The following MYO6 variants were observed in gnomAD, a reference collection of about 807,000 sequenced individuals.
MYO6 encodes the protein myosin VI, also known as unconventional myosin-VI.
In MYO6, 74 loss-of-function variants were observed where a neutral mutation model predicts 178.7. The observed-to-expected ratio is 0.41, with a 90% CI of 0.34 to 0.50. The LOEUF is 0.50. MYO6 is among the 20% of genes least tolerant of loss of function. MYO6 has a pLI of 0.09. For synonymous variants in MYO6, 477 were observed against 504.6 expected (o/e 0.95, Z 0.73); for missense variants, 1,330 against 1,547.4 (o/e 0.86, Z 2.36).
rs1245232368 is a variant in MYO6, at chr6:75,828,545, C to G, written c.193C>G (p.Leu65Val). Residue 65 changes from leucine to valine, a missense_variant, in exon 4 of 35, where the codon CTA (leucine) becomes GTA (valine). Coordinates refer to ENST00000369977, the MANE Select transcript of MYO6 (RefSeq NM_004999.4). ...SKKDVEDNCSLMYLNEATLLH... is the reference protein window; with the variant it reads ...SKKDVEDNCSVMYLNEATLLH... The stretch of plus-strand genomic sequence containing the variant: ...ATATAAATTTTATGTCTTAGGTTCA[C>G]TAATGTATTTAAATGAAGCCACACT... The G allele has an allele frequency of 6.5e-7, 1 of 1,546,916 alleles. No homozygotes were observed. The highest frequency in any genetic ancestry group is 1.7e-5 in the Admixed American group (1 of 59,842).
chr6:75,864,691 T>C (rs779816580), intron 16 of MYO6, among the ~76,000 whole-genome samples: 2 of 152,154 alleles, frequency 1.3e-5, no homozygotes, highest in African/African-American at 2.4e-5. Flanking sequence ...GACAGTAAAC[T>C]GAAGCATCAA....
intron 30 of MYO6, among the ~76,000 whole-genome samples, chr6:75,903,583 G>T (rs530903755): frequency 3.9e-5 from 6 of 152,156 alleles, no homozygotes; most frequent in African/African-American, 1.2e-4. Context: ...TTGCTTCATA[G>T]ATCTTCCTCC....
At chr6:75,749,484 G>T (rs1218681794) in intron 1 of MYO6, 61 bp downstream of exon 1, 1 of 152,208 alleles carries the variant, frequency 6.6e-6, no homozygotes, top group African/African-American at 2.4e-5. Context: ...TCCCTGGCCC[G>T]GCCTTGCTCC....
chr6:75,852,275 A>C (rs984750106), intron 11 of MYO6, among the ~76,000 whole-genome samples: 1 of 152,346 alleles, frequency 6.6e-6, no homozygotes, highest in Admixed American at 6.5e-5. Flanking sequence ...ACGAGTAATA[A>C]GCACATTTTC....
rs541380078 is a variant in MYO6, at chr6:75,875,622, T to C, written c.2077+2322T>C. Among the ~76,000 whole-genome samples, 187 of 152,294 alleles carry C rather than the reference T, an allele frequency of 1.2e-3. 2 individuals are homozygous for C. Among genetic ancestry groups the C allele is most frequent in the African/African-American group, 4.4e-3 (184 of 41,554 alleles). ...TTTTTAAAAATTTAAATTTAAGTAG[T>C]CTTATGTGGCTAGTCCCGCTGTAGA... On this transcript the variant is annotated intron_variant, in intron 20 of 34. Transcript: ENST00000369977.
intron 4 of MYO6, among the ~76,000 whole-genome samples, chr6:75,830,089 G>A (rs1772922786): frequency 1.3e-5 from 2 of 152,196 alleles, no homozygotes; most frequent in Admixed American, 1.3e-4. Flanking sequence ...TGGTGACTTG[G>A]TGGTGATGCC....
At chr6:75,779,770 T>G (rs903027765) in intron 1 of MYO6, among the ~76,000 whole-genome samples, 19 of 152,318 alleles carry the variant, frequency 1.2e-4, no homozygotes, top group African/African-American at 4.1e-4. Flanking sequence ...ATCTCTCATT[T>G]CTCCCTTGCC....
At chr6:75,869,697 C>T (rs1396876999) in intron 18 of MYO6, among the ~76,000 whole-genome samples, 1 of 152,026 alleles carries the variant, frequency 6.6e-6, no homozygotes, top group Admixed American at 6.5e-5. Flanking sequence ...TACACTGAAC[C>T]ACACCACATC....
chr6:75,784,617 CAAA>C (rs1262691473), intron 1 of MYO6, among the ~76,000 whole-genome samples: 1 of 151,456 alleles, frequency 6.6e-6, no homozygotes, highest in Admixed American at 6.6e-5. Flanking sequence ...ACTAAAAATA[CAAA>C]AACAAAATTA....
At chr6:75,759,208 C>T (rs1158415720) in intron 1 of MYO6, among the ~76,000 whole-genome samples, 2 of 152,120 alleles carry the variant, frequency 1.3e-5, no homozygotes, top group East Asian at 3.8e-4. Flanking sequence ...ATCTTAAAAA[C>T]TTTCAAAAAC....
At chr6:75,773,653 T>G (rs1017711355) in intron 1 of MYO6, among the ~76,000 whole-genome samples, 10 of 152,152 alleles carry the variant, frequency 6.6e-5, no homozygotes, top group African/African-American at 2.4e-4. Context: ...AGTAGGGAGA[T>G]GGACATTAAA....
chr6:75,894,137 A>G, intron 28 of MYO6, among the ~76,000 whole-genome samples: 1 of 152,174 alleles, frequency 6.6e-6, no homozygotes, highest in East Asian at 1.9e-4. Flanking sequence ...CAAGCTTTAT[A>G]TTTATGCACT....
chr6:75,774,779 A>AATTATT (rs906955292), intron 1 of MYO6, among the ~76,000 whole-genome samples: 1 of 151,578 alleles, frequency 6.6e-6, no homozygotes, highest in Non-Finnish European at 1.5e-5. Flanking sequence ...TTTATTGAGA[A>AATTATT]ATTATTATTA....
chr6:75,776,877 G>A (rs748844427), intron 1 of MYO6, among the ~76,000 whole-genome samples: 1 of 152,006 alleles, frequency 6.6e-6, no homozygotes, highest in Non-Finnish European at 1.5e-5. Flanking sequence ...TCCATAAAAT[G>A]TTTTACAATT....
At chr6:75,908,888 G>C (rs780152292) in intron 32 of MYO6, among the ~76,000 whole-genome samples, 8 of 152,020 alleles carry the variant, frequency 5.3e-5, no homozygotes, top group Non-Finnish European at 1.0e-4. Context: ...GGGTGTGCAT[G>C]CATAATTTTC....
intron 13 of MYO6, among the ~76,000 whole-genome samples, chr6:75,858,443 T>A (rs1775910361): frequency 6.6e-6 from 1 of 152,112 alleles, no homozygotes; most frequent in South Asian, 2.1e-4. Flanking sequence ...CTGTCTCTAC[T>A]AAAAATACAA....
intron 20 of MYO6, among the ~76,000 whole-genome samples, chr6:75,876,402 G>A (rs1473168861): frequency 6.6e-6 from 1 of 152,186 alleles, no homozygotes; most frequent in East Asian, 1.9e-4. Context: ...GGAATGAACA[G>A]TGTAGAAAAT....
rs1326233609 is a variant in MYO6 at position 75,895,206 on chromosome 6, TAACTA to T, written c.3108-22_3108-18del. 1 of 1,576,510 alleles carries T rather than the reference TAACTA, an allele frequency of 6.3e-7. No homozygotes were observed. The highest frequency in any genetic ancestry group is 2.2e-5 in the East Asian group (1 of 44,530). ...CACAGTTCACAATTGGTTACGATATTAACTAAAATATATTCTTTTCACAGAAATGA... is the reference window on the plus strand; with the variant it reads ...CACAGTTCACAATTGGTTACGATATTAAATATATTCTTTTCACAGAAATGA... On this transcript the variant is annotated intron_variant, in intron 28 of 34. Transcript: ENST00000369977.
intron 1 of MYO6, among the ~76,000 whole-genome samples, chr6:75,788,997 A>G (rs575090532): frequency 6.6e-6 from 1 of 152,240 alleles, no homozygotes; most frequent in South Asian, 2.1e-4. Flanking sequence ...CTTCTTCACA[A>G]AACCCAAAAA....
Sources: gnomAD v4.1 joint callset for allele counts (sites outside exome capture counted in the v4.1 genomes callset) on GRCh38, gnomAD v4.1.1 for gene constraint, MANE v1.5 for transcripts, NCBI Gene and HGNC (gene_info 2026-07-23, HGNC 2026-07-21) for gene names.